The following FAM234A variants were observed in gnomAD, a reference collection of about 807,000 sequenced individuals.
FAM234A encodes protein FAM234A.
FAM234A carries 42 observed loss-of-function variants against 49.1 expected under a neutral mutation model. That is an observed-to-expected ratio of 0.86 (90% CI 0.67 to 1.11). The LOEUF (loss-of-function observed/expected upper bound fraction) is 1.11. FAM234A is among the 50% of genes least tolerant of loss of function. The probability of loss-of-function intolerance (pLI) is 0.00; values close to 1 mark genes in which losing one functional copy is unlikely to be tolerated. For synonymous variants in FAM234A, 369 were observed against 316.2 expected (o/e 1.17, Z -1.77); for missense variants, 815 against 745.2 (o/e 1.09, Z -1.09).
chr16:238,647 T>C (rs1596732488), intron 1 of FAM234A, among the ~76,000 whole-genome samples: 1 of 149,792 alleles, frequency 6.7e-6, no homozygotes, highest in Non-Finnish European at 1.5e-5. Context: ...GTGCCTGTAG[T>C]CCCAGCCACT....
At position 243,124 on chromosome 16, in the gene FAM234A, G is replaced by A. The variant is rs542622889; in HGVS notation, c.-139-6425G>A. Among the ~76,000 whole-genome samples, 20 of 151,964 alleles carry A rather than the reference G, an allele frequency of 1.3e-4. No individual in the cohort carries two copies. In the South Asian group the frequency reaches 4.2e-3, roughly 32 times the overall value. Reference sequence around the variant, plus strand: ...GCCTCCCAGGTAGCTGGGACTACAAGCACATGCCACTACACCTAATTTTAT... The same window carrying A: ...GCCTCCCAGGTAGCTGGGACTACAAACACATGCCACTACACCTAATTTTAT... On this transcript the variant is annotated intron_variant, in intron 1 of 12. Coordinates refer to ENST00000399932, the MANE Select transcript of FAM234A (RefSeq NM_032039.4).
intron 5 of FAM234A, chr16:260,857 A>AC (rs2051436713): frequency 5.7e-6 from 2 of 350,262 alleles, no homozygotes; most frequent in Non-Finnish European, 1.2e-5. Context: ...AAGGAGTTGG[A>AC]CGAGGACCTG....
rs1398870192 is a variant in FAM234A, at chr16:254,610, T to C, written c.197T>C (p.Val66Ala). 2 of 1,613,386 alleles carry C rather than the reference T, an allele frequency of 1.2e-6. No individual in the cohort carries two copies. Among genetic ancestry groups the C allele is most frequent in the Non-Finnish European group, 1.7e-6 (2 of 1,179,744 alleles). ...CTCTGCCTTTTTGTGGTGTTCGTCG[T>C]CTCATTCGTCATCCCGTGTCCAGAC... is the stretch of plus-strand genomic sequence containing the variant. ...LFLCLFVVFV[V>A]SFVIPCPDRP... is the part of the protein sequence containing the mutation. The change falls in exon 3 of 13, where the codon GTC (valine) becomes GCC (alanine). Residue 66 changes from valine (V) to alanine (A), a missense_variant. By Grantham distance (64) the Val-to-Ala change is moderately conservative. Transcript: ENST00000399932.
At chr16:263,843 A>G (rs1484508970) in intron 10 of FAM234A, 68 bp downstream of exon 10, 29 of 1,465,726 alleles carry the variant, frequency 2.0e-5, no homozygotes, top group Non-Finnish European at 2.5e-5. Flanking sequence ...CTGAAAGCAG[A>G]CGGGGCTGCG....
intron 11 of FAM234A, 37 bp downstream of exon 11, chr16:264,208 C>T (rs1363699597): frequency 1.3e-6 from 2 of 1,554,260 alleles, no homozygotes. Flanking sequence ...ATGCTGGGAG[C>T]CGGGGCCAGA....
At position 261,385 on chromosome 16, in the gene FAM234A, G is replaced by GGAAA; in HGVS notation, c.580_583dup (p.Thr195ArgfsTer25). The GGAAA allele has an allele frequency of 1.9e-6, 3 of 1,611,414 alleles. No individual in the cohort carries two copies. The highest frequency in any genetic ancestry group is 2.5e-6 in the Non-Finnish European group (3 of 1,178,026). The stretch of plus-strand genomic sequence containing the variant: ...CCGTGACCGTGTGCTTGATTCTAGG[G>GGAAA]GAAACCCTGTGGAACCACAGCAGCA... On this transcript the variant is annotated frameshift_variant and splice_region_variant, in exon 6 of 13. Transcript: ENST00000399932. LOFTEE classifies it high-confidence loss of function.
chr16:256,530 T>A (rs1225826004), intron 3 of FAM234A, among the ~76,000 whole-genome samples: 4 of 152,116 alleles, frequency 2.6e-5, no homozygotes, highest in Admixed American at 2.0e-4. Context: ...TGCAGTCTTT[T>A]GCCCATTTTT....
intron 1 of FAM234A, among the ~76,000 whole-genome samples, chr16:236,281 T>A (rs1038944918): frequency 6.6e-6 from 1 of 150,500 alleles, no homozygotes; most frequent in Non-Finnish European, 1.5e-5. Flanking sequence ...TGCTCCACCC[T>A]CCTGAGTATC....
At chr16:263,527 C>T (rs2051565221) in intron 9 of FAM234A, 125 bp downstream of exon 9, 1 of 1,401,536 alleles carries the variant, frequency 7.1e-7, no homozygotes, top group Non-Finnish European at 9.7e-7. Context: ...GCTGCCCGGG[C>T]TTCTTGCCTG....
chr16:242,402 C>T (rs781092013), intron 1 of FAM234A, among the ~76,000 whole-genome samples: 3 of 151,918 alleles, frequency 2.0e-5, no homozygotes, highest in Non-Finnish European at 2.9e-5. Flanking sequence ...TTAGTAGAGT[C>T]GGGGTTTCAC....
rs1046429684 is a variant in FAM234A at position 265,924 on chromosome 16, G to A, written c.*902G>A. 18 of 986,078 alleles carry A rather than the reference G, an allele frequency of 1.8e-5. No homozygotes were observed. The highest frequency in any genetic ancestry group is 1.4e-4 in the African/African-American group (8 of 57,224). 61.1% of individuals were successfully genotyped at this position (986,078 alleles called of 1,614,324 possible). ...CTCACACGCCCACGCCGTGCCACCC[G>A]ATGCAGGACTCACCTCTGTGCCTTG... On this transcript the variant is annotated 3_prime_UTR_variant, in exon 13 of 13. Transcript: ENST00000399932.
downstream of FAM234A, chr16:268,432 AC>A (rs2051769041): frequency 2.8e-6 from 1 of 358,552 alleles, no homozygotes; most frequent in Non-Finnish European, 5.3e-6. Flanking sequence ...TTGAAGCTGC[AC>A]CCCCGAAAGG....
intron 1 of FAM234A, among the ~76,000 whole-genome samples, chr16:245,719 A>G (rs6600190): frequency 0.32 from 48,502 of 151,992 alleles, 10,677 homozygotes; most frequent in African/African-American, 0.62. Context: ...TTCTGAATTT[A>G]TGTTAGGCCA....
intron 3 of FAM234A, among the ~76,000 whole-genome samples, chr16:257,412 A>C (rs1412487284): frequency 1.3e-5 from 2 of 150,816 alleles, no homozygotes; most frequent in South Asian, 2.1e-4. Flanking sequence ...TGCCTGGCTA[A>C]TGTATGTATT....
intron 3 of FAM234A, among the ~76,000 whole-genome samples, chr16:257,236 C>CT (rs759071082): frequency 0.043 from 3,837 of 89,040 alleles, 567 homozygotes; most frequent in Non-Finnish European, 0.06. Flanking sequence ...TCAATGAAGT[C>CT]TTTTTTTTTT....
rs768949076 is a variant in FAM234A, at chr16:254,640, C to T, written c.227C>T (p.Pro76Leu). 7.4e-6 allele frequency: 12 copies of T among 1,613,936 alleles called. No homozygotes were observed. Among genetic ancestry groups the T allele is most frequent in the African/African-American group, 2.7e-5 (2 of 74,904 alleles). ...TTCGTCATCCCGTGTCCAGACCGGC[C>T]GGCGTCACAGCGAATGTGGAGGATA... ...VSFVIPCPDR[P>L]ASQRMWRIDY... The change falls in exon 3 of 13, where the codon CCG becomes CTG. Residue 76 changes from proline to leucine, a missense_variant. Coordinates refer to ENST00000399932, the MANE Select transcript of FAM234A (RefSeq NM_032039.4).
chr16:251,617 C>G (rs1240253467), intron 2 of FAM234A, among the ~76,000 whole-genome samples: 3 of 151,116 alleles, frequency 2.0e-5, no homozygotes, highest in Non-Finnish European at 4.4e-5. Context: ...AGGTCAAGCA[C>G]TCCACTCACT....
At chr16:268,902 G>C (rs751213654), downstream of FAM234A, 1 of 1,550,524 alleles carries the variant, frequency 6.4e-7, no homozygotes, top group Admixed American at 2.0e-5. Context: ...CCGGGTATTC[G>C]CTGGCTGATT....
downstream of FAM234A, chr16:268,583 G>C (rs1033429479): frequency 1.6e-6 from 1 of 618,276 alleles, no homozygotes; most frequent in Admixed American, 2.7e-5. Flanking sequence ...ATCGGGCCTC[G>C]TCAGTGGGGT....
Sources: gnomAD v4.1 joint callset for allele counts (sites outside exome capture counted in the v4.1 genomes callset) on GRCh38, gnomAD v4.1.1 for gene constraint, MANE v1.5 for transcripts, NCBI Gene and HGNC (gene_info 2026-07-23, HGNC 2026-07-21) for gene names.